NLRC4: variants seen among roughly 807,000 people sequenced by gnomAD.
The protein encoded by NLRC4 is NLR family CARD domain-containing protein 4.
A neutral mutation model predicts 79.9 loss-of-function variants in NLRC4; 63 were observed. The observed-to-expected ratio is 0.79, with a 90% CI of 0.64 to 0.97. NLRC4 has a LOEUF of 0.97. Among genes scored for constraint, NLRC4 ranks in the 50% least tolerant of loss-of-function variants. The pLI, the probability that NLRC4 is intolerant of heterozygous loss-of-function variation, is 0.00. For synonymous variants in NLRC4, 461 were observed against 456.5 expected, an observed-to-expected ratio of 1.01 and a Z score of -0.12; for missense variants, 1,074 against 1,215.2, an observed-to-expected ratio of 0.88 and a Z score of 1.73.
chr2:32,246,615 G>A (rs1283677802), intron 4 of NLRC4, among the ~76,000 whole-genome samples: 1 of 152,102 alleles, frequency 6.6e-6, no homozygotes, highest in Non-Finnish European at 1.5e-5. Context: ...GGGCAACCAG[G>A]CTGGTCTACA....
chr2:32,250,319 G>T lies in NLRC4; in HGVS notation c.1545C>A (p.His515Gln), dbSNP rs756754650. 1.2e-6 allele frequency: 2 copies of T among 1,614,056 alleles called. No homozygotes were observed. Among genetic ancestry groups the T allele is most frequent in the African/African-American group, 1.3e-5 (1 of 74,932 alleles). ...VMKHLAAVYQ[H>Q]GCLLGLSIAK... Reference sequence around the variant, plus strand: ...CGATGGAAAGTCCGAGAAGGCAGCCGTGTTGATACACTGCTGCGAGGTGCT... The same window carrying T: ...CGATGGAAAGTCCGAGAAGGCAGCCTTGTTGATACACTGCTGCGAGGTGCT... The change falls in exon 4 of 9, where the codon CAC becomes CAA. Residue 515 changes from histidine to glutamine, a missense_variant. Transcript: ENST00000402280. The surrounding 1 kb of genome is among the most constrained non-coding windows in gnomAD (Gnocchi z 4.9).
chr2:32,229,692 C>A (rs1686486503), intron 8 of NLRC4, among the ~76,000 whole-genome samples: 1 of 152,004 alleles, frequency 6.6e-6, no homozygotes, highest in African/African-American at 2.4e-5. Flanking sequence ...AGAGGAATCA[C>A]CATTGAAAAG....
Position 32,250,750 on chromosome 2 carries a change from G to C in NLRC4, c.1114C>G (p.Gln372Glu), listed in dbSNP as rs760585755. 5 of 1,614,070 alleles carry C rather than the reference G, an allele frequency of 3.1e-6. No individual in the cohort carries two copies. In the African/African-American group the frequency reaches 5.3e-5, roughly 17 times the overall value. ...CCTTTATGTTTGTGTTTGTTTTTCT[G>C]TATCAACAGATCATAGAAGGTATGG... ...LFHTFYDLLIQKNKHKHKGVA... is the reference protein window; with the variant it reads ...LFHTFYDLLIEKNKHKHKGVA... Residue 372 changes from glutamine to glutamate, a missense_variant, in exon 4 of 9, where the codon CAG becomes GAG. Physicochemically the swap from Gln to Glu is conservative, Grantham distance 29. Transcript: ENST00000402280. The surrounding 1 kb of genome is among the most constrained non-coding windows in gnomAD (Gnocchi z 4.9).
intron 8 of NLRC4, among the ~76,000 whole-genome samples, chr2:32,225,419 GT>G (rs1222101347): frequency 0.024 from 969 of 39,680 alleles, 15 homozygotes; most frequent in African/African-American, 0.063. Context: ...ATGTGTGTGT[GT>G]GTGTGTGTGT....
intron 1 of NLRC4, among the ~76,000 whole-genome samples, chr2:32,258,134 C>T (rs1573503262): frequency 1.3e-5 from 2 of 152,192 alleles, no homozygotes; most frequent in Non-Finnish European, 2.9e-5. Context: ...GGTTTTTCCC[C>T]GGAGTAAGAC....
At chr2:32,246,729 C>A (rs930255346) in intron 4 of NLRC4, among the ~76,000 whole-genome samples, 4 of 152,250 alleles carry the variant, frequency 2.6e-5, no homozygotes, top group African/African-American at 7.2e-5. Flanking sequence ...AGTCTAAAAT[C>A]TGAAATTTCA....
intron 6 of NLRC4, among the ~76,000 whole-genome samples, chr2:32,236,960 G>A (rs545431991): frequency 6.6e-6 from 1 of 152,176 alleles, no homozygotes; most frequent in Non-Finnish European, 1.5e-5. Flanking sequence ...AAAAGGCAGA[G>A]ATAATCAGAT....
Position 32,241,044 on chromosome 2 carries a change from G to A in NLRC4, c.2339C>T (p.Ala780Val), listed in dbSNP as rs1686787997. ...MDNIKMNEED[A>V]IKLAEGLKNL... The stretch of plus-strand genomic sequence containing the variant: ...AACAGAAATCTGACCTAGTTTTATA[G>A]CATCTTCTTCATTCATCTTTATGTT... The change falls in exon 5 of 9, where the codon GCT becomes GTT. Residue 780 changes from alanine (A) to valine (V), a missense_variant. Physicochemically the swap from Ala to Val is moderately conservative, Grantham distance 64 (BLOSUM62 0). Coordinates refer to ENST00000402280, the MANE Select transcript of NLRC4 (RefSeq NM_001199138.2). 2 of 1,586,854 alleles carry A rather than the reference G, an allele frequency of 1.3e-6. No homozygotes were observed. The highest frequency in any genetic ancestry group is 1.7e-6 in the Non-Finnish European group (2 of 1,156,394).
rs180720319 is a variant in NLRC4 at position 32,262,077 on chromosome 2, G to A, written c.-119+2661C>T. ...GCCTGGTGACAGAGCGAGACTCTGG[G>A]TCAAAAAAAAGAAAAAAAGAAAGAA... On this transcript the variant is annotated intron_variant, in intron 1 of 8. Transcript: ENST00000402280. Among the ~76,000 whole-genome samples, 1,197 of 151,926 alleles carry A rather than the reference G, an allele frequency of 7.9e-3. 5 individuals are homozygous for A. The highest frequency in any genetic ancestry group is 0.011 in the Non-Finnish European group (742 of 67,948).
In NLRC4 at chr2:32,256,820, ATAT is replaced by A; in HGVS notation, c.-48_-46del. 3 of 780,102 alleles carry A rather than the reference ATAT, an allele frequency of 3.8e-6. No homozygotes were observed. Among genetic ancestry groups the A allele is most frequent in the Middle Eastern group, 2.3e-4 (1 of 4,422 alleles). 48.3% of individuals were successfully genotyped at this position (780,102 alleles called of 1,614,324 possible). On this transcript the variant is annotated 5_prime_UTR_variant, in exon 2 of 9. Coordinates refer to ENST00000402280, the MANE Select transcript of NLRC4 (RefSeq NM_001199138.2). ...CCACCTTTCTATAACACAATAGAAAATATTATTTCCAAATGGAAAGGTCAAAGG... is the reference window on the plus strand; with the variant it reads ...CCACCTTTCTATAACACAATAGAAAATATTTCCAAATGGAAAGGTCAAAGG...
Position 32,241,092 on chromosome 2 carries a change from T to G in NLRC4, c.2291A>C (p.Asn764Thr). ...GLTDSLGNLKNLTKLIMDNIK... is the reference protein window; with the variant it reads ...GLTDSLGNLKTLTKLIMDNIK... Reference sequence around the variant, plus strand: ...GTTATCCATTATGAGCTTTGTAAGGTTCTTCAAGTTACCCAAGCTGTCAGT... The same window carrying G: ...GTTATCCATTATGAGCTTTGTAAGGGTCTTCAAGTTACCCAAGCTGTCAGT... Residue 764 changes from asparagine (N) to threonine (T), a missense_variant, in exon 5 of 9, where the codon AAC becomes ACC. Transcript: ENST00000402280. 1 of 1,609,964 alleles carries G rather than the reference T, an allele frequency of 6.2e-7. No individual in the cohort carries two copies.
At chr2:32,245,773 G>A (rs979208975) in intron 4 of NLRC4, among the ~76,000 whole-genome samples, 2 of 152,080 alleles carry the variant, frequency 1.3e-5, no homozygotes, top group Admixed American at 6.5e-5. Context: ...ATGAAAAATA[G>A]AAAAAATTTA....
At position 32,224,674 on chromosome 2, in the gene NLRC4, C is replaced by T. The variant is rs865864585; in HGVS notation, c.2874G>A (p.Met958Ile). The T allele has an allele frequency of 1.9e-6, 3 of 1,612,898 alleles. No homozygotes were observed. The highest frequency in any genetic ancestry group is 3.3e-5 in the Admixed American group (2 of 59,918). ...ATTGCTTAAGATTCTCAAATACACCCATGAAGGCAAGCCATCCATCACTGC... is the reference window on the plus strand; with the variant it reads ...ATTGCTTAAGATTCTCAAATACACCTATGAAGGCAAGCCATCCATCACTGC... ...RVSSDGWLAF[M>I]GVFENLKQLV... The change falls in exon 9 of 9, where the codon ATG (methionine) becomes ATA (isoleucine). Residue 958 changes from methionine to isoleucine, a missense_variant. Transcript: ENST00000402280.
intron 4 of NLRC4, among the ~76,000 whole-genome samples, chr2:32,249,339 A>G (rs1687008951): frequency 6.6e-6 from 1 of 152,198 alleles, no homozygotes; most frequent in South Asian, 2.1e-4. Flanking sequence ...TATCAAGACC[A>G]CCTTCATGAA....
Position 32,251,397 on chromosome 2 carries a change from C to A in NLRC4, c.467G>T (p.Gly156Val). The A allele has an allele frequency of 6.2e-7, 1 of 1,614,040 alleles. No homozygotes were observed. The highest frequency in any genetic ancestry group is 8.5e-7 in the Non-Finnish European group (1 of 1,179,986). The change falls in exon 4 of 9, where the codon GGC (glycine) becomes GTC (valine). Residue 156 changes from glycine (G) to valine (V), a missense_variant. Coordinates refer to ENST00000402280, the MANE Select transcript of NLRC4 (RefSeq NM_001199138.2). ...GGGGCTCTGAAGAGCCTGCAGGAGGCCATTCAGGGTCAGCTGCTCCACGCG... is the reference window on the plus strand; with the variant it reads ...GGGGCTCTGAAGAGCCTGCAGGAGGACATTCAGGGTCAGCTGCTCCACGCG... ...HHRVEQLTLN[G>V]LLQALQSPCI...
rs745938557 is a variant in NLRC4, at chr2:32,249,632, A to G, written c.2232T>C (p.His744=). Residue 744 remains histidine, a synonymous_variant, in exon 4 of 9, where the codon CAT becomes CAC. Transcript: ENST00000402280. ...SVTNLKTLSI[H]DLQNQRLPGG... ...CCGGCAGCCGTTGATTCTGTAGGTCATGAATACTCAAGGTTTTCAGGTTTG... is the reference window on the plus strand; with the variant it reads ...CCGGCAGCCGTTGATTCTGTAGGTCGTGAATACTCAAGGTTTTCAGGTTTG... 5.6e-6 allele frequency: 9 copies of G among 1,606,528 alleles called. No homozygotes were observed. Among genetic ancestry groups the G allele is most frequent in the South Asian group, 4.5e-5 (4 of 89,642 alleles).
intron 8 of NLRC4, among the ~76,000 whole-genome samples, chr2:32,232,686 T>TG (rs1686565509): frequency 6.6e-6 from 1 of 152,156 alleles, no homozygotes; most frequent in Admixed American, 6.5e-5. Flanking sequence ...GGATGGAAGA[T>TG]GGAGTTGAAA....
intron 4 of NLRC4, among the ~76,000 whole-genome samples, chr2:32,247,081 G>A (rs212731): frequency 0.61 from 92,802 of 151,958 alleles, 28,558 homozygotes; most frequent in Admixed American, 0.64. Context: ...CAACAGTTAG[G>A]GTGGGAACGG....
Position 32,227,801 on chromosome 2 carries a change from CTTATG to C in NLRC4, c.2783-3041_2783-3037del, listed in dbSNP as rs573163217. Among the ~76,000 whole-genome samples the C allele has an allele frequency of 1.6e-3, 245 of 152,182 alleles. 1 individual carries two copies. Among genetic ancestry groups the C allele is most frequent in the Admixed American group, 2.7e-3 (41 of 15,286 alleles). On this transcript the variant is annotated intron_variant, in intron 8 of 8. Transcript: ENST00000402280. ...CCTTTTGTTCATTTAATCTGCAGTG[CTTATG>C]TTATGAGGAGCAGACTAGATCCAAG...
Sources: gnomAD v4.1 joint callset for allele counts (sites outside exome capture counted in the v4.1 genomes callset) on GRCh38, gnomAD v4.1.1 for gene constraint, Gnocchi (gnomAD v3.1) non-coding constraint, MANE v1.5 for transcripts, NCBI Gene and HGNC (gene_info 2026-07-23, HGNC 2026-07-21) for gene names.